Variants in ATP6V1A observed in about 807,000 individuals in gnomAD.
ATP6V1A encodes the protein ATPase H+ transporting V1 subunit A.
A neutral mutation model predicts 70.1 loss-of-function variants in ATP6V1A; 18 were observed. That is an observed-to-expected ratio of 0.26 (90% CI 0.18 to 0.38). ATP6V1A has a LOEUF of 0.38. Ranked by LOEUF, ATP6V1A falls within the 10% of genes least tolerant of loss-of-function variation. The pLI is 1.00. For synonymous variants in ATP6V1A, 232 were observed against 253.8 expected (o/e 0.91, Z 0.82); for missense variants, 424 against 772.4 (o/e 0.55, Z 5.35).
Position 113,809,519 on chromosome 3 carries a change from C to G in ATP6V1A, c.*92C>G. 8.6e-7 allele frequency: 1 copy of G among 1,160,110 alleles called. No individual in the cohort carries two copies. The highest frequency in any genetic ancestry group is 1.2e-6 in the Non-Finnish European group (1 of 807,548). 71.9% of individuals were successfully genotyped at this position (1,160,110 alleles called of 1,614,324 possible). On this transcript the variant is annotated 3_prime_UTR_variant, in exon 15 of 15. Transcript: ENST00000273398. Reference sequence around the variant, plus strand: ...ATTTCTCATCTCAAACCCTTTGCTTCTTTATTGTGCAGCTTTGAGACTAGT... The same window carrying G: ...ATTTCTCATCTCAAACCCTTTGCTTGTTTATTGTGCAGCTTTGAGACTAGT...
intron 4 of ATP6V1A, 107 bp downstream of exon 4, chr3:113,784,545 GA>G: frequency 7.2e-7 from 1 of 1,383,402 alleles, no homozygotes. Context: ...ACTACAGAAG[GA>G]TAGTTTAAAG....
intron 1 of ATP6V1A, among the ~76,000 whole-genome samples, chr3:113,761,537 G>A (rs953537961): frequency 6.6e-6 from 1 of 152,008 alleles, no homozygotes; most frequent in African/African-American, 2.4e-5. Flanking sequence ...GGGAGTTCAA[G>A]ACCAGCCTGA....
intron 1 of ATP6V1A, among the ~76,000 whole-genome samples, chr3:113,766,432 C>G (rs1708772045): frequency 6.6e-6 from 1 of 152,116 alleles, no homozygotes; most frequent in African/African-American, 2.4e-5. Flanking sequence ...GTAGCTGGGA[C>G]TATGGGTGCA....
intron 1 of ATP6V1A, among the ~76,000 whole-genome samples, chr3:113,764,447 T>A (rs951429126): frequency 3.9e-5 from 6 of 152,070 alleles, no homozygotes; most frequent in Non-Finnish European, 8.8e-5. Flanking sequence ...TACAATTATG[T>A]AAAAAAAATT....
chr3:113,795,794 TAAC>T lies in ATP6V1A; in HGVS notation c.1227-80_1227-78del, dbSNP rs1053666665. ...CATTAAAATCGACTTTAAAAAAAGT[TAAC>T]ATTTATATATATGTTATTTTTCATA... is the stretch of plus-strand genomic sequence containing the variant. On this transcript the variant is annotated intron_variant, in intron 10 of 14. Coordinates refer to ENST00000273398, the MANE Select transcript of ATP6V1A (RefSeq NM_001690.4). 6.1e-5 allele frequency: 66 copies of T among 1,085,852 alleles called. No homozygotes were observed. The African/African-American group carries it at 1.0e-3, about 17-fold the overall frequency. 67.3% of individuals were successfully genotyped at this position (1,085,852 alleles called of 1,614,324 possible). A position where few individuals can be genotyped will look rare whatever the true frequency, so the allele number is the denominator to read the frequency against.
At chr3:113,765,863 G>C (rs1051271349) in intron 1 of ATP6V1A, among the ~76,000 whole-genome samples, 2 of 151,870 alleles carry the variant, frequency 1.3e-5, no homozygotes, top group African/African-American at 4.8e-5. Flanking sequence ...GGAGGCGGAG[G>C]TTGCAGTGAG....
intron 14 of ATP6V1A, 78 bp from the exon 15 acceptor site, chr3:113,809,257 A>G: frequency 9.6e-7 from 1 of 1,045,044 alleles, no homozygotes; most frequent in Non-Finnish European, 1.3e-6. Context: ...TCTGCCTCCA[A>G]AAAAAAAAAA....
intron 1 of ATP6V1A, among the ~76,000 whole-genome samples, chr3:113,771,455 T>TG (rs1708840150): frequency 1.2e-5 from 1 of 86,058 alleles, no homozygotes; most frequent in Non-Finnish European, 2.7e-5. Flanking sequence ...TTTTTTTTTT[T>TG]GAGACGGAGT....
Position 113,782,141 on chromosome 3 carries a change from C to T in ATP6V1A, c.211+963C>T, listed in dbSNP as rs536342804. On this transcript the variant is annotated intron_variant, in intron 3 of 14. Coordinates refer to ENST00000273398, the MANE Select transcript of ATP6V1A (RefSeq NM_001690.4). ...GATTTATTTGGTACGACGTTTTTGC[C>T]ATTCTAAAACACATGCGTGCAGATA... Among the ~76,000 whole-genome samples the T allele has an allele frequency of 1.3e-4, 20 of 152,198 alleles. No homozygotes were observed. The South Asian group carries it at 3.7e-3, about 28-fold the overall frequency.
At chr3:113,788,685 T>A in intron 6 of ATP6V1A, 28 bp from the exon 7 acceptor site, 1 of 1,601,900 alleles carries the variant, frequency 6.2e-7, no homozygotes, top group Non-Finnish European at 8.5e-7. Context: ...GCAAGTCAAG[T>A]AATCCATACT....
At chr3:113,775,057 G>C (rs928194242) in intron 1 of ATP6V1A, among the ~76,000 whole-genome samples, 1 of 152,086 alleles carries the variant, frequency 6.6e-6, no homozygotes, top group African/African-American at 2.4e-5. Flanking sequence ...ACTTTGTGTG[G>C]CTATAGTAAT....
At chr3:113,789,057 G>C (rs554979548) in intron 7 of ATP6V1A, among the ~76,000 whole-genome samples, 182 bp downstream of exon 7, 2 of 151,930 alleles carry the variant, frequency 1.3e-5, no homozygotes, top group Non-Finnish European at 2.9e-5. Context: ...TTAATTTTTT[G>C]TGTGTGTGTG....
chr3:113,803,685 A>G lies in ATP6V1A; in HGVS notation c.1589+8A>G, dbSNP rs1227528677. On this transcript the variant is annotated splice_region_variant and intron_variant, in intron 13 of 14. Coordinates refer to ENST00000273398, the MANE Select transcript of ATP6V1A (RefSeq NM_001690.4). ...ATATACTCCTTATGACAGGTAAGCT[A>G]TATTGATTTCCTTTTTTTATTTGAG... 3 of 1,575,330 alleles carry G rather than the reference A, an allele frequency of 1.9e-6. No individual in the cohort carries two copies. The highest frequency in any genetic ancestry group is 2.6e-6 in the Non-Finnish European group (3 of 1,153,210).
chr3:113,752,310 G>T (rs1708596779), intron 1 of ATP6V1A, among the ~76,000 whole-genome samples: 1 of 151,334 alleles, frequency 6.6e-6, no homozygotes, highest in Non-Finnish European at 1.5e-5. Context: ...AAGACTAATT[G>T]AATTGGAAAA....
chr3:113,804,754 T>G (rs1385149073), intron 13 of ATP6V1A, among the ~76,000 whole-genome samples: 2 of 152,228 alleles, frequency 1.3e-5, no homozygotes, highest in African/African-American at 4.8e-5. Flanking sequence ...TCCGTGAAAT[T>G]ATGTATGCAA....
intron 1 of ATP6V1A, among the ~76,000 whole-genome samples, chr3:113,766,469 A>AT (rs1384762596): frequency 3.3e-5 from 5 of 151,974 alleles, no homozygotes; most frequent in Non-Finnish European, 7.4e-5. Context: ...TAATTTTTTA[A>AT]TTTTTTGTAG....
At chr3:113,797,137 A>G (rs1709160822) in intron 11 of ATP6V1A, among the ~76,000 whole-genome samples, 1 of 152,038 alleles carries the variant, frequency 6.6e-6, no homozygotes, top group African/African-American at 2.4e-5. Context: ...ATATTTCACT[A>G]TGTTGGCCAG....
At chr3:113,763,867 A>T (rs985563664) in intron 1 of ATP6V1A, among the ~76,000 whole-genome samples, 20 of 152,154 alleles carry the variant, frequency 1.3e-4, no homozygotes, top group African/African-American at 4.8e-4. Flanking sequence ...GTGTGTTTGT[A>T]AGAATTGCTG....
At chr3:113,800,577 G>A (rs764256796) in intron 12 of ATP6V1A, among the ~76,000 whole-genome samples, 3 of 152,028 alleles carry the variant, frequency 2.0e-5, no homozygotes, top group Non-Finnish European at 2.9e-5. Flanking sequence ...AAAACAAAAT[G>A]GATTGTTCTC....
Sources: allele counts gnomAD v4.1 joint callset (sites outside exome capture counted in the v4.1 genomes callset), GRCh38; gene constraint gnomAD v4.1.1; transcripts MANE v1.5; gene names NCBI Gene and HGNC (gene_info 2026-07-23, HGNC 2026-07-21).